The following CCSER1 variants were observed in gnomAD, a reference collection of about 807,000 sequenced individuals.
CCSER1 encodes serine-rich coiled-coil domain-containing protein 1.
A neutral mutation model predicts 82.0 loss-of-function variants in CCSER1; 41 were observed. The ratio of observed to expected loss-of-function variants is 0.50; its 90% CI spans 0.39 to 0.65. The LOEUF is 0.65. Ranked by LOEUF, CCSER1 falls within the 30% of genes least tolerant of loss-of-function variation. CCSER1 has a pLI of 0.00. For missense variants in CCSER1, 1,119 were observed against 1,064.2 expected, an observed-to-expected ratio of 1.05 and a Z score of -0.72; for synonymous variants, 414 against 383.9, an observed-to-expected ratio of 1.08 and a Z score of -0.92.
Position 90,273,386 on chromosome 4 carries a change from G to A in CCSER1, c.-41-34858G>A, listed in dbSNP as rs183116611. Among the ~76,000 whole-genome samples, 325 of 152,190 alleles carry A rather than the reference G, an allele frequency of 2.1e-3. 2 individuals are homozygous for A. Among genetic ancestry groups the A allele is most frequent in the African/African-American group, 7.3e-3 (303 of 41,562 alleles). ...GAATATAATTGTTTGTAACACAAAGGATCAGGGCTTGAGGTGATAGATACC... is the reference window on the plus strand; with the variant it reads ...GAATATAATTGTTTGTAACACAAAGAATCAGGGCTTGAGGTGATAGATACC... On this transcript the variant is annotated intron_variant, in intron 1 of 10. Transcript: ENST00000509176.
chr4:90,602,527 T>C (rs1784147458), intron 5 of CCSER1, among the ~76,000 whole-genome samples: 1 of 152,182 alleles, frequency 6.6e-6, no homozygotes, highest in Non-Finnish European at 1.5e-5. Context: ...ATTTATTAAT[T>C]TTAATGTGTG....
At chr4:90,660,528 T>A (rs1730579882) in intron 6 of CCSER1, among the ~76,000 whole-genome samples, 1 of 152,124 alleles carries the variant, frequency 6.6e-6, no homozygotes, top group Non-Finnish European at 1.5e-5. Context: ...AGTTATGTCT[T>A]ATCTAATATT....
intron 8 of CCSER1, among the ~76,000 whole-genome samples, chr4:90,834,679 T>A (rs1761558085): frequency 6.6e-6 from 1 of 152,200 alleles, no homozygotes; most frequent in African/African-American, 2.4e-5. Flanking sequence ...AAATACCGTG[T>A]TCAGTTACAG....
At chr4:91,042,306 G>A (rs1742029263) in intron 9 of CCSER1, among the ~76,000 whole-genome samples, 1 of 152,142 alleles carries the variant, frequency 6.6e-6, no homozygotes, top group East Asian at 1.9e-4. Flanking sequence ...CCTTGTGAAG[G>A]AGGTGCCTTC....
intron 5 of CCSER1, among the ~76,000 whole-genome samples, chr4:90,621,739 A>T (rs921013266): frequency 6.6e-6 from 1 of 152,200 alleles, no homozygotes; most frequent in Non-Finnish European, 1.5e-5. Flanking sequence ...CTTTAGAGAA[A>T]GTATAGAATT....
chr4:90,640,080 C>G (rs1726206421), intron 6 of CCSER1, among the ~76,000 whole-genome samples: 1 of 151,984 alleles, frequency 6.6e-6, no homozygotes, highest in South Asian at 2.1e-4. Context: ...TGGGGAGGTG[C>G]TGAAAAGTAA....
chr4:90,171,071 T>A (rs1180587920), intron 1 of CCSER1, among the ~76,000 whole-genome samples: 1 of 151,796 alleles, frequency 6.6e-6, no homozygotes, highest in African/African-American at 2.4e-5. Flanking sequence ...GTGACTTTTA[T>A]GCATTTATGC....
intron 9 of CCSER1, among the ~76,000 whole-genome samples, chr4:90,987,546 G>A (rs528453055): frequency 2.0e-5 from 3 of 151,634 alleles, no homozygotes; most frequent in East Asian, 2.0e-4. Context: ...TTAAATATAT[G>A]CTACTTGTAC....
At chr4:90,847,314 C>T (rs1043360043) in intron 8 of CCSER1, among the ~76,000 whole-genome samples, 1 of 152,192 alleles carries the variant, frequency 6.6e-6, no homozygotes, top group African/African-American at 2.4e-5. Flanking sequence ...TGCATGCTGT[C>T]AGTGGAGCAC....
intron 1 of CCSER1, among the ~76,000 whole-genome samples, chr4:90,277,169 A>G (rs1458905795): frequency 6.6e-6 from 1 of 152,102 alleles, no homozygotes; most frequent in African/African-American, 2.4e-5. Flanking sequence ...TAGGCAACAC[A>G]AATAAATGGA....
intron 1 of CCSER1, among the ~76,000 whole-genome samples, chr4:90,190,057 A>G (rs1046727714): frequency 2.0e-5 from 3 of 152,128 alleles, no homozygotes; most frequent in Non-Finnish European, 1.5e-5. Context: ...TAGCGGCATG[A>G]GACTGCAGAG....
At chr4:90,720,690 ATAGT>A (rs1162701124) in intron 6 of CCSER1, among the ~76,000 whole-genome samples, 2 of 152,012 alleles carry the variant, frequency 1.3e-5, no homozygotes, top group African/African-American at 4.8e-5. Context: ...TAAGTGACAA[ATAGT>A]TTGTGAATCA....
At chr4:90,168,022 T>C (rs1342237866) in intron 1 of CCSER1, among the ~76,000 whole-genome samples, 2 of 151,978 alleles carry the variant, frequency 1.3e-5, no homozygotes, top group African/African-American at 2.4e-5. Flanking sequence ...ATGGTATTTC[T>C]AGTTCTAGAT....
At chr4:91,563,955 A>G (rs1405334472) in intron 10 of CCSER1, among the ~76,000 whole-genome samples, 1 of 151,766 alleles carries the variant, frequency 6.6e-6, no homozygotes, top group Non-Finnish European at 1.5e-5. Flanking sequence ...ACGTGTCATG[A>G]TAGTTTGTTA....
At chr4:91,311,347 A>G (rs1020216994) in intron 10 of CCSER1, among the ~76,000 whole-genome samples, 1 of 151,972 alleles carries the variant, frequency 6.6e-6, no homozygotes, top group Non-Finnish European at 1.5e-5. Flanking sequence ...GGCAAGAGCT[A>G]TCAAAATTAC....
chr4:90,657,282 T>A (rs1729868991), intron 6 of CCSER1, among the ~76,000 whole-genome samples: 1 of 152,156 alleles, frequency 6.6e-6, no homozygotes, highest in Non-Finnish European at 1.5e-5. Flanking sequence ...TCTGGCTTTA[T>A]TCAAAAGAGA....
intron 9 of CCSER1, among the ~76,000 whole-genome samples, chr4:91,074,091 G>A (rs1044042897): frequency 6.6e-6 from 1 of 152,156 alleles, no homozygotes; most frequent in Admixed American, 6.6e-5. Context: ...TAGCTGCAAC[G>A]TGAAACTAAC....
chr4:91,357,294 G>A (rs7677056), intron 10 of CCSER1, among the ~76,000 whole-genome samples: 106,358 of 152,094 alleles, frequency 0.7, 38,728 homozygotes, highest in African/African-American at 0.9. Flanking sequence ...TTTTAATAAA[G>A]CCTTGTAGAC....
intron 10 of CCSER1, among the ~76,000 whole-genome samples, chr4:91,243,106 CTG>C (rs762131115): frequency 2.0e-5 from 3 of 152,162 alleles, no homozygotes; most frequent in Non-Finnish European, 4.4e-5. Context: ...GAGAGGGAGA[CTG>C]TGGTGACCAG....
Sources: gnomAD v4.1 joint callset for allele counts (sites outside exome capture counted in the v4.1 genomes callset) on GRCh38, gnomAD v4.1.1 for gene constraint, MANE v1.5 for transcripts, NCBI Gene and HGNC (gene_info 2026-07-23, HGNC 2026-07-21) for gene names.